SUPT3H: variants seen among roughly 807,000 people sequenced by gnomAD.
SUPT3H encodes transcription initiation protein SPT3 homolog.
SUPT3H carries 44 observed loss-of-function variants against 44.3 expected under a neutral mutation model. The ratio of observed to expected loss-of-function variants is 0.99; its 90% CI spans 0.78 to 1.28. The LOEUF is 1.28. Ranked by LOEUF, SUPT3H falls within the 50% of genes most tolerant of loss-of-function variation. SUPT3H has a pLI of 0.00. For missense variants in SUPT3H, 380 were observed against 387.1 expected (o/e 0.98, Z 0.15); for synonymous variants, 124 against 125.6 (o/e 0.99, Z 0.09).
chr6:45,164,472 C>G (rs2153602757), intron 2 of SUPT3H, among the ~76,000 whole-genome samples: 1 of 152,200 alleles, frequency 6.6e-6, no homozygotes, highest in South Asian at 2.1e-4. Context: ...CTGTATTTAG[C>G]TTTTCCAGTC....
In SUPT3H at chr6:45,295,548, A is replaced by AAAAAAAAAAAAC. The variant is rs1554330142; in HGVS notation, c.101+69652_101+69653insGTTTTTTTTTTT. 1.0e-4 allele frequency among the ~76,000 whole-genome samples: 9 copies of AAAAAAAAAAAAC among 90,216 alleles called. 1 individual carries two copies. Among genetic ancestry groups the AAAAAAAAAAAAC allele is most frequent in the South Asian group, 3.7e-4 (1 of 2,670 alleles). The allele number at this position is 90,216 out of a possible 152,430, so 59.2% of individuals were successfully genotyped here. A position where few individuals can be genotyped will look rare whatever the true frequency, so the allele number is the denominator to read the frequency against. Reference sequence around the variant, plus strand: ...GCAAAAAAAAAAAAAAAAAAAAAAAAAAAAAACAGCAGAGTCAACAGACAA... The same window carrying AAAAAAAAAAAAC: ...GCAAAAAAAAAAAAAAAAAAAAAAAAAAAAAAAAAAACAAAAAACAGCAGAGTCAACAGACAA... On this transcript the variant is annotated intron_variant, in intron 2 of 10. Coordinates refer to ENST00000371459, the MANE Select transcript of SUPT3H (RefSeq NM_003599.4).
At chr6:44,987,137 C>G (rs1010000453) in intron 6 of SUPT3H, among the ~76,000 whole-genome samples, 1 of 152,110 alleles carries the variant, frequency 6.6e-6, no homozygotes, top group Non-Finnish European at 1.5e-5. Context: ...TGGCAGAGAT[C>G]TCTAGAGGTT....
chr6:44,919,787 G>A (rs1009052825), intron 10 of SUPT3H, among the ~76,000 whole-genome samples: 8 of 151,924 alleles, frequency 5.3e-5, no homozygotes, highest in African/African-American at 1.5e-4. Context: ...TTAGCCTCTC[G>A]CCTGCAATAT....
At chr6:45,317,227 C>CAAAAAAAAAAA (rs70996324) in intron 2 of SUPT3H, among the ~76,000 whole-genome samples, 2 of 36,092 alleles carry the variant, frequency 5.5e-5, no homozygotes, top group Non-Finnish European at 9.6e-5. Context: ...GACTCTGTCT[C>CAAAAAAAAAAA]AAAAAAAAAA....
intron 9 of SUPT3H, among the ~76,000 whole-genome samples, chr6:44,942,501 G>A (rs188140298): frequency 0.02 from 2,981 of 152,244 alleles, 58 homozygotes; most frequent in South Asian, 0.092. Flanking sequence ...CAGAGTTCGC[G>A]CAATCACAGT....
intron 3 of SUPT3H, among the ~76,000 whole-genome samples, chr6:45,067,701 C>G (rs1224528229): frequency 1.3e-5 from 2 of 148,764 alleles, no homozygotes; most frequent in Non-Finnish European, 3.0e-5. Context: ...AGCCAAGAAA[C>G]ACATGAAAAA....
intron 6 of SUPT3H, among the ~76,000 whole-genome samples, chr6:44,968,445 T>C (rs1157508984): frequency 1.3e-5 from 2 of 152,108 alleles, no homozygotes; most frequent in Non-Finnish European, 2.9e-5. Flanking sequence ...TCCAGAAAGG[T>C]TAAAGGATTT....
At chr6:45,283,513 A>T (rs893025319) in intron 2 of SUPT3H, among the ~76,000 whole-genome samples, 4 of 152,192 alleles carry the variant, frequency 2.6e-5, no homozygotes, top group Non-Finnish European at 4.4e-5. Flanking sequence ...TGGTAAAGGG[A>T]TCAATTCAAC....
chr6:44,957,456 A>C (rs1775379356), intron 7 of SUPT3H, among the ~76,000 whole-genome samples: 1 of 152,190 alleles, frequency 6.6e-6, no homozygotes, highest in Admixed American at 6.5e-5. Flanking sequence ...TCTGTGGAAT[A>C]CTTCTAAAGT....
rs1371928204 is a variant in SUPT3H, at chr6:45,272,672, C to T, written c.101+92529G>A. On this transcript the variant is annotated intron_variant, in intron 2 of 10. Coordinates refer to ENST00000371459, the MANE Select transcript of SUPT3H (RefSeq NM_003599.4). The stretch of plus-strand genomic sequence containing the variant: ...CCTAATGATATCTCATGGAAACTCT[C>T]ACAAAATTGCTCTTGATTGGAGGAA... Among the ~76,000 whole-genome samples, 9 of 152,270 alleles carry T rather than the reference C, an allele frequency of 5.9e-5. No individual in the cohort carries two copies. The South Asian group carries it at 1.2e-3, about 21-fold the overall frequency.
In SUPT3H at chr6:45,009,700, G is replaced by A. The variant is rs117146704; in HGVS notation, c.364+5101C>T. On this transcript the variant is annotated intron_variant, in intron 5 of 10. Coordinates refer to ENST00000371459, the MANE Select transcript of SUPT3H (RefSeq NM_003599.4). Reference sequence around the variant, plus strand: ...ACACTTATGCCAGTACTGCTCTATCGTAATTACTGTAGCTTTATGGTAAGT... The same window carrying A: ...ACACTTATGCCAGTACTGCTCTATCATAATTACTGTAGCTTTATGGTAAGT... Among the ~76,000 whole-genome samples the A allele has an allele frequency of 3.2e-4, 48 of 152,030 alleles. No homozygotes were observed. In the East Asian group the frequency reaches 7.7e-3, roughly 24 times the overall value.
At chr6:45,012,512 CTG>C (rs1434222651) in intron 5 of SUPT3H, among the ~76,000 whole-genome samples, 1 of 151,944 alleles carries the variant, frequency 6.6e-6, no homozygotes, top group African/African-American at 2.4e-5. Context: ...AAAATAAATT[CTG>C]TCTCTATTGA....
intron 2 of SUPT3H, among the ~76,000 whole-genome samples, chr6:45,147,531 T>C (rs1222320766): frequency 6.6e-6 from 1 of 152,016 alleles, no homozygotes; most frequent in African/African-American, 2.4e-5. Flanking sequence ...TACAGTGTAA[T>C]TGTTGTTGTA....
chr6:44,884,896 C>T (rs769417602), intron 10 of SUPT3H, among the ~76,000 whole-genome samples: 10 of 152,108 alleles, frequency 6.6e-5, no homozygotes, highest in Non-Finnish European at 1.2e-4. Context: ...CCTCGAAAAT[C>T]GGGTCACTCC....
At chr6:44,817,634 G>A (rs1346241027) in intron 11 of SUPT3H, among the ~76,000 whole-genome samples, 1 of 151,932 alleles carries the variant, frequency 6.6e-6, no homozygotes, top group Non-Finnish European at 1.5e-5. Context: ...GTTCAGCAAG[G>A]TTTTAGCATA....
intron 2 of SUPT3H, among the ~76,000 whole-genome samples, chr6:45,186,387 T>A (rs1170607343): frequency 6.6e-6 from 1 of 152,014 alleles, no homozygotes; most frequent in Admixed American, 6.6e-5. Flanking sequence ...CAAAGACGTA[T>A]TTCAAAAAAC....
At chr6:44,831,083 T>TAATC (rs1346758835) in intron 10 of SUPT3H, among the ~76,000 whole-genome samples, 1 of 152,170 alleles carries the variant, frequency 6.6e-6, no homozygotes, top group Non-Finnish European at 1.5e-5. Flanking sequence ...AACCTTCTCT[T>TAATC]AATCATAAAA....
intron 10 of SUPT3H, among the ~76,000 whole-genome samples, chr6:44,879,744 T>A: frequency 6.6e-6 from 1 of 152,162 alleles, no homozygotes; most frequent in East Asian, 1.9e-4. Context: ...GGCAGCAATC[T>A]TTGCTGTTCT....
intron 2 of SUPT3H, among the ~76,000 whole-genome samples, chr6:45,208,278 T>C (rs1303537153): frequency 6.6e-6 from 1 of 152,184 alleles, no homozygotes; most frequent in Non-Finnish European, 1.5e-5. Flanking sequence ...GAAGAAAAGT[T>C]AGAAACTGGC....
Sources: gnomAD v4.1 joint callset for allele counts (sites outside exome capture counted in the v4.1 genomes callset) on GRCh38, gnomAD v4.1.1 for gene constraint, MANE v1.5 for transcripts, NCBI Gene and HGNC (gene_info 2026-07-23, HGNC 2026-07-21) for gene names.